Variants in AUTS2 observed in about 807,000 individuals in gnomAD.
AUTS2 encodes autism susceptibility gene 2 protein.
In AUTS2, 17 loss-of-function variants were observed where a neutral mutation model predicts 112.4. The ratio of observed to expected loss-of-function variants is 0.15; its 90% CI spans 0.10 to 0.23. The LOEUF is 0.23. Among genes scored for constraint, AUTS2 ranks in the 10% least tolerant of loss-of-function variants. The probability of loss-of-function intolerance (pLI) is 1.00; values close to 1 mark genes in which losing one functional copy is unlikely to be tolerated. For missense variants in AUTS2, 1,510 were observed against 1,701.6 expected (o/e 0.89, Z 1.98); for synonymous variants, 751 against 702.7 (o/e 1.07, Z -1.09).
At position 70,786,004 on chromosome 7, in the gene AUTS2, C is replaced by T. The variant is rs1289970701; in HGVS notation, c.2274C>T (p.Gly758=). ...STFTGLAAVG[G]NAFGGLGNPS... The stretch of plus-strand genomic sequence containing the variant: ...TCACAGGCCTAGCAGCAGTTGGTGG[C>T]AATGCCTTCGGGGGACTTGGAAATC... Residue 758 remains glycine (G), a synonymous_variant, in exon 17 of 19, where the codon GGC becomes GGT. Transcript: ENST00000342771. 6.2e-7 allele frequency: 1 copy of T among 1,614,134 alleles called. No individual in the cohort carries two copies. The highest frequency in any genetic ancestry group is 8.5e-7 in the Non-Finnish European group (1 of 1,179,994).
chr7:69,825,144 A>G (rs190620924), intron 1 of AUTS2, among the ~76,000 whole-genome samples: 1 of 152,330 alleles, frequency 6.6e-6, no homozygotes, highest in African/African-American at 2.4e-5. Flanking sequence ...TTTGCAATCC[A>G]TATGAATGAG....
chr7:70,380,497 C>T (rs773050699), intron 4 of AUTS2, among the ~76,000 whole-genome samples: 6 of 152,218 alleles, frequency 3.9e-5, no homozygotes, highest in Non-Finnish European at 8.8e-5. Context: ...GCCAGGACCA[C>T]GTCCGTGGCT....
At chr7:70,719,681 C>G (rs1195640974) in intron 6 of AUTS2, among the ~76,000 whole-genome samples, 1 of 152,106 alleles carries the variant, frequency 6.6e-6, no homozygotes, top group East Asian at 1.9e-4. Context: ...CCAAGCTGGT[C>G]GTGAACTCCT....
intron 2 of AUTS2, among the ~76,000 whole-genome samples, chr7:70,086,050 G>A (rs548233514): frequency 1.3e-5 from 2 of 152,214 alleles, no homozygotes; most frequent in South Asian, 4.2e-4. Context: ...CCAATACCAC[G>A]TCTTGATTAT....
chr7:70,122,224 CAG>C (rs570574251), intron 3 of AUTS2, among the ~76,000 whole-genome samples: 6 of 152,202 alleles, frequency 3.9e-5, no homozygotes, highest in Non-Finnish European at 8.8e-5. Context: ...TTGTTGGTTA[CAG>C]AGTTTCTTTT....
intron 5 of AUTS2, among the ~76,000 whole-genome samples, chr7:70,604,049 G>C (rs966512737): frequency 2.0e-5 from 3 of 152,136 alleles, no homozygotes; most frequent in African/African-American, 7.2e-5. Flanking sequence ...CAAACACACC[G>C]TGACCCGGTG....
intron 2 of AUTS2, among the ~76,000 whole-genome samples, chr7:69,911,703 T>C (rs1012422761): frequency 2.6e-5 from 4 of 152,078 alleles, no homozygotes; most frequent in Non-Finnish European, 4.4e-5. Context: ...GGTAGTCCGA[T>C]GTCTGTTTGA....
chr7:70,289,638 T>A (rs1788619909), intron 4 of AUTS2, among the ~76,000 whole-genome samples: 1 of 152,210 alleles, frequency 6.6e-6, no homozygotes, highest in Middle Eastern at 3.2e-3. Context: ...CTTTCTTGAT[T>A]CAGAAATGGA....
At chr7:70,511,321 A>G (rs879434841) in intron 5 of AUTS2, among the ~76,000 whole-genome samples, 1 of 152,074 alleles carries the variant, frequency 6.6e-6, no homozygotes, top group South Asian at 2.1e-4. Flanking sequence ...CACACCGGCA[A>G]TTTCCAAATG....
rs751803538 is a variant in AUTS2 at position 70,134,582 on chromosome 7, C to T, written c.660+11C>T. On this transcript the variant is annotated intron_variant, in intron 4 of 18. Coordinates refer to ENST00000342771, the MANE Select transcript of AUTS2 (RefSeq NM_015570.4). ...GGAACAGGCTACTTCGTAAGTCTAT[C>T]TCAACTTCCACATATGTGCCTTGCA... The T allele has an allele frequency of 1.2e-6, 2 of 1,612,890 alleles. No homozygotes were observed. The highest frequency in any genetic ancestry group is 1.7e-6 in the Non-Finnish European group (2 of 1,179,050).
At chr7:70,227,044 GT>G (rs1811802799) in intron 4 of AUTS2, among the ~76,000 whole-genome samples, 1 of 152,116 alleles carries the variant, frequency 6.6e-6, no homozygotes, top group Non-Finnish European at 1.5e-5. Flanking sequence ...CGTAAAAACA[GT>G]TTGTATAAAA....
chr7:70,697,438 T>A (rs1408390848), intron 5 of AUTS2, among the ~76,000 whole-genome samples: 1 of 152,124 alleles, frequency 6.6e-6, no homozygotes, highest in African/African-American at 2.4e-5. Flanking sequence ...AACTAGAACA[T>A]GTCCCCCAGA....
rs145275682 is a variant in AUTS2 at position 70,363,631 on chromosome 7, C to T, written c.661-72121C>T. Among the ~76,000 whole-genome samples the T allele has an allele frequency of 4.2e-3, 634 of 152,162 alleles. 4 individuals carry two copies. The highest frequency in any genetic ancestry group is 0.012 in the African/African-American group (491 of 41,532). ...TGTTTATTTTTATCCCATAACTCAA[C>T]GGGTATTTATATAATTAATTATACT... On this transcript the variant is annotated intron_variant, in intron 4 of 18. Transcript: ENST00000342771.
chr7:69,876,343 AAAAAAAAT>A (rs1204049934), intron 1 of AUTS2, among the ~76,000 whole-genome samples: 45 of 80,522 alleles, frequency 5.6e-4, no homozygotes, highest in South Asian at 1.8e-3. Context: ...AAAAAAAAAA[AAAAAAAAT>A]ATATATATAT....
chr7:70,778,603 C>T (rs934067683), intron 14 of AUTS2, among the ~76,000 whole-genome samples: 5 of 151,734 alleles, frequency 3.3e-5, no homozygotes, highest in African/African-American at 9.7e-5. Context: ...AATAAAAACC[C>T]GGTTAAAAGT....
At chr7:69,636,715 T>C (rs1442020133) in intron 1 of AUTS2, among the ~76,000 whole-genome samples, 1 of 152,172 alleles carries the variant, frequency 6.6e-6, no homozygotes, top group Non-Finnish European at 1.5e-5. Flanking sequence ...AGTATGCTTT[T>C]TTTTCCTACT....
rs138855602 is a variant in AUTS2, at chr7:70,715,507, TTTTTCTTTTC to T, written c.742+16917_742+16926del. Among the ~76,000 whole-genome samples, 1,395 of 145,536 alleles carry T rather than the reference TTTTTCTTTTC, an allele frequency of 9.6e-3. 19 individuals carry two copies. The highest frequency in any genetic ancestry group is 0.027 in the African/African-American group (1,064 of 39,022). On this transcript the variant is annotated intron_variant, in intron 6 of 18. Coordinates refer to ENST00000342771, the MANE Select transcript of AUTS2 (RefSeq NM_015570.4). ...GCACTTCCTGCATCCTGCCTGTCTTTTTTTCTTTTCTTTTCTTTTCTTTTCTTTTCTTTTC... is the reference window on the plus strand; with the variant it reads ...GCACTTCCTGCATCCTGCCTGTCTTTTTTTCTTTTCTTTTCTTTTCTTTTC...
At chr7:70,394,497 A>G (rs1381879538) in intron 4 of AUTS2, among the ~76,000 whole-genome samples, 1 of 152,234 alleles carries the variant, frequency 6.6e-6, no homozygotes. Context: ...CTAAATGCCC[A>G]ATGCTTATCC....
At chr7:70,569,401 A>G (rs1426375960) in intron 5 of AUTS2, among the ~76,000 whole-genome samples, 1 of 152,196 alleles carries the variant, frequency 6.6e-6, no homozygotes, top group African/African-American at 2.4e-5. Flanking sequence ...CCATTACATT[A>G]TATCATAGAG....
Sources: gnomAD v4.1 joint callset for allele counts (sites outside exome capture counted in the v4.1 genomes callset) on GRCh38, gnomAD v4.1.1 for gene constraint, MANE v1.5 for transcripts, NCBI Gene and HGNC (gene_info 2026-07-23, HGNC 2026-07-21) for gene names.